Variants in SLC9A9 observed in about 807,000 individuals in gnomAD.
SLC9A9 encodes the protein sodium/hydrogen exchanger 9.
A neutral mutation model predicts 77.8 loss-of-function variants in SLC9A9; 62 were observed. The observed-to-expected ratio is 0.80, with a 90% confidence interval of 0.65 to 0.98. The LOEUF (loss-of-function observed/expected upper bound fraction) is 0.98, where lower values mean the gene tolerates loss of function less well. Among genes scored for constraint, SLC9A9 ranks in the 50% least tolerant of loss-of-function variants. SLC9A9 has a pLI of 0.00. For synonymous variants in SLC9A9, 320 were observed against 283.5 expected (o/e 1.13, Z -1.29); for missense variants, 775 against 774.9 (o/e 1.00, Z 0.00).
At chr3:143,785,152 G>A (rs1396441667) in intron 4 of SLC9A9, among the ~76,000 whole-genome samples, 1 of 152,160 alleles carries the variant, frequency 6.6e-6, no homozygotes, top group Non-Finnish European at 1.5e-5. Flanking sequence ...TTTGCAATGT[G>A]ACATTATTAT....
chr3:143,377,780 A>G (rs2033214299), intron 13 of SLC9A9, among the ~76,000 whole-genome samples: 1 of 152,160 alleles, frequency 6.6e-6, no homozygotes, highest in African/African-American at 2.4e-5. Context: ...AAGGGTGTCT[A>G]TCACATTAGA....
At chr3:143,363,349 T>C in intron 14 of SLC9A9, 135 bp downstream of exon 14, 1 of 806,052 alleles carries the variant, frequency 1.2e-6, no homozygotes. Flanking sequence ...CATTCCTTTT[T>C]ATAAGTTTGG....
chr3:143,333,245 C>G lies in SLC9A9; in HGVS notation c.1604+30239G>C, dbSNP rs573908506. ...CCAAGAACCACCACCTCCCACCCCC[C>G]ACCCAAATCAGAGACATGTTGGCTC... On this transcript the variant is annotated intron_variant, in intron 14 of 15. Coordinates refer to ENST00000316549, the MANE Select transcript of SLC9A9 (RefSeq NM_173653.4). Among the ~76,000 whole-genome samples the G allele has an allele frequency of 8.2e-5, 10 of 121,400 alleles. No individual in the cohort carries two copies. The South Asian group carries it at 1.9e-3, about 23-fold the overall frequency. 79.6% of individuals were successfully genotyped at this position (121,400 alleles called of 152,430 possible).
At chr3:143,586,982 G>T (rs986566109) in intron 6 of SLC9A9, among the ~76,000 whole-genome samples, 7 of 152,190 alleles carry the variant, frequency 4.6e-5, no homozygotes, top group Non-Finnish European at 8.8e-5. Flanking sequence ...GCTTCTGAGG[G>T]ACCATTTAAT....
At chr3:143,731,071 C>G (rs1276098442) in intron 4 of SLC9A9, among the ~76,000 whole-genome samples, 1 of 152,202 alleles carries the variant, frequency 6.6e-6, no homozygotes, top group African/African-American at 2.4e-5. Flanking sequence ...GCTATCTCCT[C>G]TAGGAGAGAG....
intron 4 of SLC9A9, among the ~76,000 whole-genome samples, chr3:143,723,033 G>T (rs1411836460): frequency 2.6e-5 from 4 of 151,866 alleles, no homozygotes; most frequent in Non-Finnish European, 5.9e-5. Context: ...TCAGTTTCCT[G>T]ACTATAGTTT....
At chr3:143,442,247 C>A (rs2034754992) in intron 12 of SLC9A9, among the ~76,000 whole-genome samples, 1 of 152,150 alleles carries the variant, frequency 6.6e-6, no homozygotes, top group South Asian at 2.1e-4. Context: ...TCTGAAAGGA[C>A]TCATGTACTG....
chr3:143,660,593 A>T (rs971110126), intron 5 of SLC9A9, among the ~76,000 whole-genome samples: 1 of 152,226 alleles, frequency 6.6e-6, no homozygotes, highest in Non-Finnish European at 1.5e-5. Context: ...GTGAGACAAT[A>T]TGTTTGTGCT....
intron 6 of SLC9A9, among the ~76,000 whole-genome samples, chr3:143,632,204 A>T (rs1277818884): frequency 6.6e-6 from 1 of 152,194 alleles, no homozygotes; most frequent in Non-Finnish European, 1.5e-5. Flanking sequence ...CCCGAAAGGT[A>T]GAATACGATC....
intron 2 of SLC9A9, among the ~76,000 whole-genome samples, chr3:143,800,884 G>A (rs1421628280): frequency 2.0e-5 from 3 of 152,160 alleles, no homozygotes; most frequent in Admixed American, 6.5e-5. Context: ...ACCTGTCTTG[G>A]CATAATTCTT....
intron 4 of SLC9A9, among the ~76,000 whole-genome samples, chr3:143,722,951 T>C (rs1279419124): frequency 6.6e-6 from 1 of 152,192 alleles, no homozygotes; most frequent in Non-Finnish European, 1.5e-5. Context: ...CCTTATCCCA[T>C]ATCACCAGTT....
intron 2 of SLC9A9, among the ~76,000 whole-genome samples, chr3:143,826,729 C>A (rs1394096235): frequency 6.6e-6 from 1 of 152,150 alleles, no homozygotes; most frequent in African/African-American, 2.4e-5. Context: ...TTGTCTACCC[C>A]TTTTCCCACA....
At chr3:143,750,128 A>G (rs1304876921) in intron 4 of SLC9A9, among the ~76,000 whole-genome samples, 1 of 152,220 alleles carries the variant, frequency 6.6e-6, no homozygotes, top group Non-Finnish European at 1.5e-5. Context: ...TAAATGCATA[A>G]TGCCGTATTG....
intron 8 of SLC9A9, among the ~76,000 whole-genome samples, chr3:143,562,625 A>G (rs1300167307): frequency 6.6e-6 from 1 of 151,568 alleles, no homozygotes; most frequent in African/African-American, 2.4e-5. Context: ...CCTAGTATAC[A>G]TAAAATTAGA....
intron 6 of SLC9A9, among the ~76,000 whole-genome samples, chr3:143,606,808 T>C (rs866252751): frequency 6.6e-6 from 1 of 151,826 alleles, no homozygotes; most frequent in Non-Finnish European, 1.5e-5. Context: ...AGAATGTTAA[T>C]GGGCATGCAG....
chr3:143,576,380 T>A (rs1219166770), intron 7 of SLC9A9, among the ~76,000 whole-genome samples: 1 of 152,212 alleles, frequency 6.6e-6, no homozygotes, highest in Non-Finnish European at 1.5e-5. Flanking sequence ...ATTACCATGC[T>A]CACTATTACT....
At chr3:143,349,972 C>T (rs2032404000) in intron 14 of SLC9A9, among the ~76,000 whole-genome samples, 1 of 152,150 alleles carries the variant, frequency 6.6e-6, no homozygotes, top group African/African-American at 2.4e-5. Flanking sequence ...GGCTTGTTTA[C>T]CTCGAAGAAC....
At chr3:143,450,026 T>C (rs2034970670) in intron 12 of SLC9A9, among the ~76,000 whole-genome samples, 1 of 108,276 alleles carries the variant, frequency 9.2e-6, no homozygotes, top group Non-Finnish European at 1.7e-5. Context: ...ATACATATAA[T>C]ATATATACAT....
intron 9 of SLC9A9, among the ~76,000 whole-genome samples, chr3:143,531,861 A>G (rs2036514744): frequency 6.6e-6 from 1 of 152,202 alleles, no homozygotes; most frequent in Non-Finnish European, 1.5e-5. Flanking sequence ...CAGGTAGCTC[A>G]TGAAGTTAAC....
Sources: gnomAD v4.1 joint callset for allele counts (sites outside exome capture counted in the v4.1 genomes callset) on GRCh38, gnomAD v4.1.1 for gene constraint, MANE v1.5 for transcripts, NCBI Gene and HGNC (gene_info 2026-07-23, HGNC 2026-07-21) for gene names.